The following SBF2 variants were observed in gnomAD, a reference collection of about 807,000 sequenced individuals.
The protein encoded by SBF2 is SET binding factor 2.
A neutral mutation model predicts 225.2 loss-of-function variants in SBF2; 112 were observed. That is an observed-to-expected ratio of 0.50 (90% CI 0.43 to 0.58). SBF2 has a LOEUF of 0.58. Ranked by LOEUF, SBF2 falls within the 20% of genes least tolerant of loss-of-function variation. The pLI is 0.00. For missense variants in SBF2, 1,996 were observed against 2,206.2 expected, an observed-to-expected ratio of 0.90 and a Z score of 1.91; for synonymous variants, 763 against 773.3, an observed-to-expected ratio of 0.99 and a Z score of 0.22.
chr11:9,784,253 G>T, intron 38 of SBF2, 98 bp downstream of exon 38: 1 of 926,622 alleles, frequency 1.1e-6, no homozygotes, highest in Non-Finnish European at 1.8e-6. Context: ...AAAGCAGTCT[G>T]TACATGAGGA....
chr11:10,184,329 A>G (rs536657552), intron 2 of SBF2, among the ~76,000 whole-genome samples: 10 of 152,346 alleles, frequency 6.6e-5, no homozygotes, highest in Non-Finnish European at 1.3e-4. Flanking sequence ...ACCAGGTAGT[A>G]TAAGTCTTCC....
chr11:9,830,268 AAAAT>A (rs1219589254), intron 27 of SBF2, among the ~76,000 whole-genome samples: 17 of 152,270 alleles, frequency 1.1e-4, no homozygotes, highest in African/African-American at 3.1e-4. Flanking sequence ...ACTTGAATAG[AAAAT>A]AAATAATTAG....
At chr11:10,095,311 A>T (rs1398139400) in intron 2 of SBF2, among the ~76,000 whole-genome samples, 1 of 152,202 alleles carries the variant, frequency 6.6e-6, no homozygotes, top group Non-Finnish European at 1.5e-5. Flanking sequence ...ACAATGAAGT[A>T]ATAGGATTTA....
chr11:10,244,122 C>A (rs1425076523), intron 1 of SBF2, among the ~76,000 whole-genome samples: 1 of 152,152 alleles, frequency 6.6e-6, no homozygotes, highest in African/African-American at 2.4e-5. Flanking sequence ...TAAACATAGG[C>A]CAATATACAT....
chr11:10,190,629 A>G (rs997793623), intron 2 of SBF2, among the ~76,000 whole-genome samples: 5 of 152,194 alleles, frequency 3.3e-5, no homozygotes, highest in African/African-American at 9.7e-5. Flanking sequence ...GGCTGAACAC[A>G]TATCTATTTT....
chr11:9,801,822 T>C (rs1853508395), intron 32 of SBF2, among the ~76,000 whole-genome samples: 1 of 152,264 alleles, frequency 6.6e-6, no homozygotes, highest in African/African-American at 2.4e-5. Flanking sequence ...ATTTTGCCAA[T>C]ATTACTGGAT....
At chr11:10,284,023 A>T (rs1174265955) in intron 1 of SBF2, among the ~76,000 whole-genome samples, 1 of 152,218 alleles carries the variant, frequency 6.6e-6, no homozygotes, top group African/African-American at 2.4e-5. Flanking sequence ...AACTTATGTC[A>T]TTAATAGCTT....
intron 2 of SBF2, among the ~76,000 whole-genome samples, chr11:10,106,420 A>C (rs1432227758): frequency 3.3e-5 from 5 of 152,180 alleles, no homozygotes; most frequent in Non-Finnish European, 5.9e-5. Flanking sequence ...TGAGGTCAGG[A>C]GTTCGAGAAC....
At chr11:9,858,131 A>G (rs1857452132) in intron 18 of SBF2, 95 bp downstream of exon 18, 2 of 1,359,186 alleles carry the variant, frequency 1.5e-6, no homozygotes, top group South Asian at 1.2e-5. Flanking sequence ...CACTGGCAGG[A>G]AGTAGCTAGA....
At chr11:10,288,583 A>G (rs971191443) in intron 1 of SBF2, among the ~76,000 whole-genome samples, 2 of 152,026 alleles carry the variant, frequency 1.3e-5, no homozygotes, top group Non-Finnish European at 2.9e-5. Flanking sequence ...AGCTCTCAGC[A>G]GAGAGGTCCT....
intron 1 of SBF2, among the ~76,000 whole-genome samples, chr11:10,279,503 G>A (rs1264013954): frequency 6.6e-6 from 1 of 151,740 alleles, no homozygotes; most frequent in East Asian, 1.9e-4. Flanking sequence ...AGCTTACCCT[G>A]AAACTTCTTG....
At chr11:10,009,741 G>A (rs575158087) in intron 6 of SBF2, among the ~76,000 whole-genome samples, 1 of 152,334 alleles carries the variant, frequency 6.6e-6, no homozygotes, top group South Asian at 2.1e-4. Flanking sequence ...TGTCTTTACA[G>A]AATGATTTAT....
chr11:9,789,047 C>T (rs1000298967), intron 35 of SBF2, 62 bp downstream of exon 35: 3 of 1,389,832 alleles, frequency 2.2e-6, no homozygotes, highest in Admixed American at 1.7e-5. Flanking sequence ...TAGCCTGGTT[C>T]CTTTGCCCTC....
intron 16 of SBF2, among the ~76,000 whole-genome samples, chr11:9,902,292 C>T (rs951808915): frequency 2.0e-5 from 3 of 152,160 alleles, no homozygotes; most frequent in Admixed American, 1.3e-4. Flanking sequence ...CTTATCTTGA[C>T]TCAAGCATTT....
intron 2 of SBF2, among the ~76,000 whole-genome samples, chr11:10,180,581 A>G (rs528116937): frequency 3.9e-5 from 6 of 152,236 alleles, no homozygotes; most frequent in Admixed American, 3.9e-4. Flanking sequence ...TAGCTGTTCT[A>G]TAACCTTCTT....
chr11:9,985,189 T>C lies in SBF2; in HGVS notation c.1395+4308A>G, dbSNP rs143318344. Among the ~76,000 whole-genome samples, 981 of 152,326 alleles carry C rather than the reference T, an allele frequency of 6.4e-3. 6 individuals are homozygous for C. Among genetic ancestry groups the C allele is most frequent in the African/African-American group, 0.022 (934 of 41,570 alleles). Reference sequence around the variant, plus strand: ...TGGATAAGAACTCACCAATCAACTATCTGCTGCCTTCAGGAGACTCACCTA... The same window carrying C: ...TGGATAAGAACTCACCAATCAACTACCTGCTGCCTTCAGGAGACTCACCTA... On this transcript the variant is annotated intron_variant, in intron 13 of 39. Transcript: ENST00000256190.
At chr11:10,058,401 C>A (rs1950325214) in intron 2 of SBF2, among the ~76,000 whole-genome samples, 2 of 152,086 alleles carry the variant, frequency 1.3e-5, no homozygotes, top group Admixed American at 1.3e-4. Context: ...ATAAATCAAA[C>A]TGAGGAAAGA....
In SBF2 at chr11:9,997,622, C is replaced by CA. The variant is rs1217730412; in HGVS notation, c.975+643dup. 4.6e-5 allele frequency among the ~76,000 whole-genome samples: 7 copies of CA among 152,062 alleles called. No homozygotes were observed. The South Asian group carries it at 1.2e-3, about 27-fold the overall frequency. Reference sequence around the variant, plus strand: ...TGAAACCCTGTCTCTACTAAAAATACAAAAAATTAGCCGGGCGTGGTGGCG... The same window carrying CA: ...TGAAACCCTGTCTCTACTAAAAATACAAAAAAATTAGCCGGGCGTGGTGGCG... On this transcript the variant is annotated intron_variant, in intron 9 of 39. Transcript: ENST00000256190.
chr11:10,192,181 C>A (rs1001346499), intron 2 of SBF2, among the ~76,000 whole-genome samples: 5 of 152,096 alleles, frequency 3.3e-5, no homozygotes, highest in African/African-American at 1.2e-4. Context: ...CTGGTATTTG[C>A]AGGCATATGG....
Sources: allele counts gnomAD v4.1 joint callset (sites outside exome capture counted in the v4.1 genomes callset), GRCh38; gene constraint gnomAD v4.1.1; transcripts MANE v1.5; gene names NCBI Gene and HGNC (gene_info 2026-07-23, HGNC 2026-07-21).